Variants in EIF4E2 observed in about 807,000 individuals in gnomAD.
EIF4E2 encodes eukaryotic translation initiation factor 4E type 2.
A neutral mutation model predicts 34.2 loss-of-function variants in EIF4E2; 13 were observed. The ratio of observed to expected loss-of-function variants is 0.38; its 90% CI spans 0.25 to 0.60. The LOEUF (loss-of-function observed/expected upper bound fraction) is 0.60, where lower values mean the gene tolerates loss of function less well. Among genes scored for constraint, EIF4E2 ranks in the 20% least tolerant of loss-of-function variants. The pLI, the probability that EIF4E2 is intolerant of heterozygous loss-of-function variation, is 0.62. For missense variants in EIF4E2, 222 were observed against 315.1 expected, an observed-to-expected ratio of 0.70 and a Z score of 2.24; for synonymous variants, 100 against 106.6, an observed-to-expected ratio of 0.94 and a Z score of 0.38.
intron 3 of EIF4E2, among the ~76,000 whole-genome samples, chr2:232,561,542 G>A (rs1288448721): frequency 1.3e-5 from 2 of 152,164 alleles, no homozygotes; most frequent in African/African-American, 2.4e-5. Context: ...TGTAATTCAG[G>A]TCACTAGGAA....
At chr2:232,565,876 G>A (rs1420504154) in intron 4 of EIF4E2, among the ~76,000 whole-genome samples, 2 of 151,472 alleles carry the variant, frequency 1.3e-5, no homozygotes, top group Admixed American at 1.3e-4. Flanking sequence ...GACAGATCAC[G>A]AGGTCAAGGG....
At chr2:232,577,412 A>G (rs1458061032) in intron 6 of EIF4E2, among the ~76,000 whole-genome samples, 2 of 152,212 alleles carry the variant, frequency 1.3e-5, no homozygotes, top group South Asian at 2.1e-4. Context: ...TGCCTTTGCC[A>G]GGCACCAGCA....
downstream of EIF4E2, chr2:232,569,710 TC>T (rs907908420): frequency 4.4e-4 from 67 of 152,478 alleles, 1 homozygote; most frequent in African/African-American, 1.6e-3. Context: ...ACAGCTCTTT[TC>T]CAGCCTTCTC....
Position 232,581,103 on chromosome 2 carries a change from C to T in EIF4E2, c.*160C>T. 1.3e-6 allele frequency: 1 copy of T among 763,212 alleles called. No individual in the cohort carries two copies. Among genetic ancestry groups the T allele is most frequent in the Non-Finnish European group, 2.3e-6 (1 of 428,380 alleles). 47.3% of individuals were successfully genotyped at this position (763,212 alleles called of 1,614,324 possible). A position where few individuals can be genotyped will look rare whatever the true frequency, so the allele number is the denominator to read the frequency against. ...CCTGGAGGACGGATTCCGCTAGACA[C>T]CCTCCAGCATCGCTGACTTTATAAA... is the stretch of plus-strand genomic sequence containing the variant. On this transcript the variant is annotated 3_prime_UTR_variant, in exon 7 of 7. Transcript: ENST00000409098. The surrounding 1 kb of genome is among the most constrained non-coding windows in gnomAD (Gnocchi z 5.2).
intron 6 of EIF4E2, chr2:232,567,676 T>C: frequency 9.9e-7 from 1 of 1,015,196 alleles, no homozygotes; most frequent in Non-Finnish European, 1.2e-6. Context: ...CATTTCCTTG[T>C]GTATAGAGCT....
intron 3 of EIF4E2, among the ~76,000 whole-genome samples, chr2:232,559,244 G>A (rs1692631198): frequency 7.4e-6 from 1 of 134,298 alleles, no homozygotes; most frequent in South Asian, 2.3e-4. Context: ...GAATGATTCA[G>A]TGTAGTTGTA....
At chr2:232,580,084 C>CCACACACACACACACACA (rs6147227) in intron 6 of EIF4E2, among the ~76,000 whole-genome samples, 63 of 145,272 alleles carry the variant, frequency 4.3e-4, no homozygotes, top group East Asian at 1.0e-3. Context: ...CACATACATA[C>CCACACACACACACACACA]CACACACACA....
chr2:232,562,282 A>G (rs1035485426), intron 3 of EIF4E2, among the ~76,000 whole-genome samples: 20 of 152,136 alleles, frequency 1.3e-4, no homozygotes, highest in African/African-American at 4.3e-4. Flanking sequence ...TGGTTTGCAT[A>G]TAAGATTGTG....
At chr2:232,568,900 C>T (rs1693022280) in intron 6 of EIF4E2, 45 bp from the exon 7 acceptor site, 1 of 1,613,304 alleles carries the variant, frequency 6.2e-7, no homozygotes, top group Non-Finnish European at 8.5e-7. Context: ...TTGCGTCCCC[C>T]TCTCTTTCCT....
At chr2:232,570,087 G>T (rs545166336), downstream of EIF4E2, among the ~76,000 whole-genome samples, 62 of 152,298 alleles carry the variant, frequency 4.1e-4, no homozygotes, top group African/African-American at 1.4e-3. Context: ...TGCCTGAGAG[G>T]ATCTGTGAAA....
chr2:232,567,986 A>G (rs1003146614), intron 6 of EIF4E2: 2 of 972,192 alleles, frequency 2.1e-6, no homozygotes, highest in Non-Finnish European at 2.4e-6. Context: ...CCATACCAAT[A>G]TGTGCCTTTG....
intron 6 of EIF4E2, chr2:232,568,628 A>G (rs1204466396): frequency 2.0e-6 from 2 of 985,300 alleles, no homozygotes; most frequent in East Asian, 2.3e-4. Context: ...AGGAGAGGGA[A>G]AGAGGTATTT....
intron 6 of EIF4E2, chr2:232,568,533 A>G (rs1181949834): frequency 1.0e-6 from 1 of 985,390 alleles, no homozygotes; most frequent in Non-Finnish European, 1.2e-6. Flanking sequence ...GGAGAGATCT[A>G]CACCTGTTTC....
intron 2 of EIF4E2, among the ~76,000 whole-genome samples, chr2:232,557,247 AAAAC>A (rs891040576): frequency 3.9e-5 from 6 of 152,366 alleles, no homozygotes; most frequent in East Asian, 3.9e-4. Flanking sequence ...CCGTTTCAAA[AAAAC>A]AAACAAAGAA....
At chr2:232,556,073 C>A (rs890632774) in intron 1 of EIF4E2, among the ~76,000 whole-genome samples, 4 of 152,134 alleles carry the variant, frequency 2.6e-5, no homozygotes, top group South Asian at 2.1e-4. Flanking sequence ...ATTTGAAATG[C>A]CATAGCATTA....
chr2:232,561,559 C>T (rs1006483176), intron 3 of EIF4E2, among the ~76,000 whole-genome samples: 1 of 152,184 alleles, frequency 6.6e-6, no homozygotes, highest in Admixed American at 6.5e-5. Context: ...GGAAATGGCT[C>T]ACAATATTAA....
chr2:232,556,498 C>A lies in EIF4E2; in HGVS notation c.103C>A (p.Arg35=), dbSNP rs370171571. The A allele has an allele frequency of 3.7e-6, 6 of 1,613,152 alleles. No individual in the cohort carries two copies. In the African/African-American group the frequency reaches 8.0e-5, roughly 22 times the overall value. ...QKDGEKEKTE[R]DKNQSSSKRK... Reference sequence around the variant, plus strand: ...AGATGGTGAGAAGGAAAAAACGGAACGAGACAAGAATCAGAGCAGTAGCAA... The same window carrying A: ...AGATGGTGAGAAGGAAAAAACGGAAAGAGACAAGAATCAGAGCAGTAGCAA... Residue 35 remains arginine, a synonymous_variant, in exon 2 of 7, where the codon CGA becomes AGA. Transcript: ENST00000258416.
At chr2:232,554,575 G>C (rs1692457447) in intron 1 of EIF4E2, among the ~76,000 whole-genome samples, 2 of 151,990 alleles carry the variant, frequency 1.3e-5, no homozygotes, top group South Asian at 4.1e-4. Context: ...CTTTTGAAAA[G>C]GAAACCAAAT....
chr2:232,559,760 G>A (rs982652411), intron 3 of EIF4E2, among the ~76,000 whole-genome samples: 1 of 149,434 alleles, frequency 6.7e-6, no homozygotes, highest in African/African-American at 2.5e-5. Flanking sequence ...CCTAGGCAAC[G>A]TGATGAGACC....
Sources: gnomAD v4.1 joint callset for allele counts (sites outside exome capture counted in the v4.1 genomes callset) on GRCh38, gnomAD v4.1.1 for gene constraint, Gnocchi (gnomAD v3.1) non-coding constraint, MANE v1.5 for transcripts, NCBI Gene and HGNC (gene_info 2026-07-23, HGNC 2026-07-21) for gene names.